The following SLFN13 variants were observed in gnomAD, a reference collection of about 807,000 sequenced individuals.
The protein encoded by SLFN13 is schlafen family member 13, also known as schlafen-13.
A neutral mutation model predicts 50.6 loss-of-function variants in SLFN13; 43 were observed. The observed-to-expected ratio is 0.85, with a 90% CI of 0.67 to 1.09. The LOEUF (loss-of-function observed/expected upper bound fraction) is 1.09, where lower values mean the gene tolerates loss of function less well. Ranked by LOEUF, SLFN13 falls within the 50% of genes least tolerant of loss-of-function variation. The probability of loss-of-function intolerance (pLI) is 0.00; values close to 1 mark genes in which losing one functional copy is unlikely to be tolerated. For synonymous variants in SLFN13, 339 were observed against 386.5 expected (o/e 0.88, Z 1.44); for missense variants, 881 against 1,071.1 (o/e 0.82, Z 2.48).
chr17:35,440,470 G>C lies in SLFN13; in HGVS notation c.*125C>G, dbSNP rs780409304. ...GAAATGGGGGAGCTCCAAACTCTTT[G>C]TGTCAGCTCTGTCCAAATCTCTAAC... On this transcript the variant is annotated 3_prime_UTR_variant, in exon 6 of 6. Coordinates refer to ENST00000285013, the MANE Select transcript of SLFN13 (RefSeq NM_144682.6). 5.9e-6 allele frequency: 7 copies of C among 1,190,892 alleles called. No homozygotes were observed. The East Asian group carries it at 1.2e-4, about 20-fold the overall frequency. 73.8% of individuals were successfully genotyped at this position (1,190,892 alleles called of 1,614,324 possible). A position where few individuals can be genotyped will look rare whatever the true frequency, so the allele number is the denominator to read the frequency against.
chr17:35,444,683 A>G lies in SLFN13; in HGVS notation c.998T>C (p.Val333Ala). The G allele has an allele frequency of 6.2e-7, 1 of 1,614,180 alleles. No individual in the cohort carries two copies. The highest frequency in any genetic ancestry group is 8.5e-7 in the Non-Finnish European group (1 of 1,180,028). Residue 333 changes from valine to alanine, a missense_variant, in exon 3 of 6, where the codon GTG becomes GCG. Coordinates refer to ENST00000285013, the MANE Select transcript of SLFN13 (RefSeq NM_144682.6). ...CAAGGGGCGGATGTACTTCTCCCTC[A>G]CCATCCATGACTTGGGAGCTTCCGA... ...VFSEAPKSWM[V>A]REKYIRPLTT... is the part of the protein sequence containing the mutation.
At position 35,437,676 on chromosome 17, in the gene SLFN13, G is replaced by T. The variant is rs1410357270; in HGVS notation, c.*2919C>A. 2 of 152,044 alleles carry T rather than the reference G, an allele frequency of 1.3e-5. No individual in the cohort carries two copies. Among genetic ancestry groups the T allele is most frequent in the African/African-American group, 4.8e-5 (2 of 41,408 alleles). 9.4% of individuals were successfully genotyped at this position (152,044 alleles called of 1,614,324 possible). A position where few individuals can be genotyped will look rare whatever the true frequency, so the allele number is the denominator to read the frequency against. The stretch of plus-strand genomic sequence containing the variant: ...GAAGTGGCAGGAGACTACAAGGACA[G>T]ATCTGTGAGCATTCCTGGAATTCTC... On this transcript the variant is annotated 3_prime_UTR_variant, in exon 6 of 6. Transcript: ENST00000285013.
At position 35,440,503 on chromosome 17, in the gene SLFN13, T is replaced by A. The variant is rs1912798044; in HGVS notation, c.*92A>T. The stretch of plus-strand genomic sequence containing the variant: ...TCTGTCCAAATCTCTAACTGACTTG[T>A]GAACTAAAAAGAAAGGTTTCTACCA... On this transcript the variant is annotated 3_prime_UTR_variant, in exon 6 of 6. Transcript: ENST00000285013. The A allele has an allele frequency of 1.4e-6, 2 of 1,440,522 alleles. No homozygotes were observed. Among genetic ancestry groups the A allele is most frequent in the Non-Finnish European group, 1.9e-6 (2 of 1,052,178 alleles). The allele number at this position is 1,440,522 out of a possible 1,614,324, so 89.2% of individuals were successfully genotyped here.
rs138677586 is a variant in SLFN13, at chr17:35,444,666, G to A, written c.1015C>T (p.Arg339Cys). 3.1e-5 allele frequency: 50 copies of A among 1,614,172 alleles called. No individual in the cohort carries two copies. The highest frequency in any genetic ancestry group is 3.6e-5 in the Non-Finnish European group (43 of 1,180,022). Residue 339 changes from arginine to cysteine, a missense_variant, in exon 3 of 6, where the codon CGC (arginine) becomes TGC (cysteine). Transcript: ENST00000285013. ...ACCCATTCCTCAGTTGTCAAGGGGCGGATGTACTTCTCCCTCACCATCCAT... is the reference window on the plus strand; with the variant it reads ...ACCCATTCCTCAGTTGTCAAGGGGCAGATGTACTTCTCCCTCACCATCCAT... Reference protein sequence around the residue: ...KSWMVREKYIRPLTTEEWVEK... With the variant: ...KSWMVREKYICPLTTEEWVEK...
At position 35,441,635 on chromosome 17, in the gene SLFN13, C is replaced by T. The variant is rs748566583; in HGVS notation, c.1850G>A (p.Arg617Lys). 6.2e-7 allele frequency: 1 copy of T among 1,604,192 alleles called. No individual in the cohort carries two copies. Among genetic ancestry groups the T allele is most frequent in the Admixed American group, 1.7e-5 (1 of 58,870 alleles). The change falls in exon 5 of 6, where the codon AGG (arginine) becomes AAG (lysine). Residue 617 changes from arginine to lysine, a missense_variant. Physicochemically the swap from Arg to Lys is conservative, Grantham distance 26 (BLOSUM62 2). Coordinates refer to ENST00000285013, the MANE Select transcript of SLFN13 (RefSeq NM_144682.6). ...GTGTGCCTCACAGTGAAACACATTC[C>T]TGATCTTCTCCATGATCTTCATGGC... ...IMAMKIMEKI[R>K]NVFHCEAHRI...
Position 35,440,543 on chromosome 17 carries a change from C to T in SLFN13, c.*52G>A. 1 of 1,585,406 alleles carries T rather than the reference C, an allele frequency of 6.3e-7. No homozygotes were observed. Among genetic ancestry groups the T allele is most frequent in the Non-Finnish European group, 8.6e-7 (1 of 1,159,366 alleles). ...GGTTTCTACCATCAGCAGACTGTCA[C>T]CCATAGACATTTACACAGTATTTTG... On this transcript the variant is annotated 3_prime_UTR_variant, in exon 6 of 6. Transcript: ENST00000285013.
At chr17:35,445,938 C>T (rs1020482234) in intron 2 of SLFN13, 8 of 352,778 alleles carry the variant, frequency 2.3e-5, no homozygotes, top group East Asian at 5.0e-5. Flanking sequence ...GGTATCTGAA[C>T]GAATCTGGAG....
intron 4 of SLFN13, 21 bp downstream of exon 4, chr17:35,443,768 G>A (rs749607579): frequency 6.2e-7 from 1 of 1,601,690 alleles, no homozygotes; most frequent in Non-Finnish European, 8.5e-7. Flanking sequence ...CTCTCCTGAT[G>A]TAAAAACTGG....
rs1912659360 is a variant in SLFN13 at position 35,436,904 on chromosome 17, A to C, written c.*3691T>G. 5.9e-5 allele frequency: 9 copies of C among 152,146 alleles called. No individual in the cohort carries two copies. 9.4% of individuals were successfully genotyped at this position (152,146 alleles called of 1,614,324 possible). ...TCTTTTGAGAAAAAAACATAAAGAC[A>C]CTTGAGGCACAACTGATATAATTCA... is the stretch of plus-strand genomic sequence containing the variant. On this transcript the variant is annotated 3_prime_UTR_variant, in exon 6 of 6. Transcript: ENST00000285013.
Position 35,438,253 on chromosome 17 carries a change from A to G in SLFN13, c.*2342T>C, listed in dbSNP as rs1436881905. The G allele has an allele frequency of 1.3e-5, 2 of 151,742 alleles. No homozygotes were observed. Among genetic ancestry groups the G allele is most frequent in the Non-Finnish European group, 2.9e-5 (2 of 67,964 alleles). 9.4% of individuals were successfully genotyped at this position (151,742 alleles called of 1,614,324 possible). On this transcript the variant is annotated 3_prime_UTR_variant, in exon 6 of 6. Coordinates refer to ENST00000285013, the MANE Select transcript of SLFN13 (RefSeq NM_144682.6). Reference sequence around the variant, plus strand: ...TTTACAGAACCTTTTTTTTCAGTTTAATGAAACACAAACTCTCAATTTTTT... The same window carrying G: ...TTTACAGAACCTTTTTTTTCAGTTTGATGAAACACAAACTCTCAATTTTTT...
intron 3 of SLFN13, 34 bp from the exon 4 acceptor site, chr17:35,443,954 G>A (rs779681761): frequency 6.2e-7 from 1 of 1,600,112 alleles, no homozygotes; most frequent in Non-Finnish European, 8.5e-7. Flanking sequence ...TACACTATAT[G>A]ATTTCATGTC....
At position 35,441,384 on chromosome 17, in the gene SLFN13, A is replaced by C; in HGVS notation, c.1923-18T>G. 6.3e-7 allele frequency: 1 copy of C among 1,585,936 alleles called. No individual in the cohort carries two copies. Among genetic ancestry groups the C allele is most frequent in the Non-Finnish European group, 8.6e-7 (1 of 1,169,492 alleles). On this transcript the variant is annotated intron_variant, in intron 5 of 5. Transcript: ENST00000285013. Reference sequence around the variant, plus strand: ...TTCTATCACTGTAAAAATTAAAAGAATACACTCAGGTTTTCTCTAAGAAAA... The same window carrying C: ...TTCTATCACTGTAAAAATTAAAAGACTACACTCAGGTTTTCTCTAAGAAAA...
Position 35,439,809 on chromosome 17 carries a change from C to T in SLFN13, c.*786G>A, listed in dbSNP as rs950158392. The T allele has an allele frequency of 6.6e-6, 1 of 152,038 alleles. No individual in the cohort carries two copies. The highest frequency in any genetic ancestry group is 2.4e-5 in the African/African-American group (1 of 41,404). 9.4% of individuals were successfully genotyped at this position (152,038 alleles called of 1,614,324 possible). A position where few individuals can be genotyped will look rare whatever the true frequency, so the allele number is the denominator to read the frequency against. On this transcript the variant is annotated 3_prime_UTR_variant, in exon 6 of 6. Coordinates refer to ENST00000285013, the MANE Select transcript of SLFN13 (RefSeq NM_144682.6). ...ATTGATTTTTAAAGAAAATCTTTCC[C>T]AAGTTTGTTCACCGTACATCTGATA...
rs781777741 is a variant in SLFN13, at chr17:35,445,703, T to C, written c.-13-10A>G. On this transcript the variant is annotated splice_polypyrimidine_tract_variant and intron_variant, in intron 2 of 5. Transcript: ENST00000285013. ...CATGTTGAACTTGCACCTTAAAGTA[T>C]TAGAATATTTGTTTCATTTTTGATT... 8 of 1,536,922 alleles carry C rather than the reference T, an allele frequency of 5.2e-6. No homozygotes were observed. Among genetic ancestry groups the C allele is most frequent in the Non-Finnish European group, 7.0e-6 (8 of 1,143,354 alleles).
Position 35,435,224 on chromosome 17 carries a change from G to A in SLFN13, c.*5371C>T, listed in dbSNP as rs1054388746. ...CACGGCTAAAGAATATTAACAATAAGCCTCTCCTCAGAGGTAAAACACCAT... is the reference window on the plus strand; with the variant it reads ...CACGGCTAAAGAATATTAACAATAAACCTCTCCTCAGAGGTAAAACACCAT... On this transcript the variant is annotated 3_prime_UTR_variant, in exon 6 of 6. Coordinates refer to ENST00000285013, the MANE Select transcript of SLFN13 (RefSeq NM_144682.6). The A allele has an allele frequency of 6.6e-6, 1 of 152,016 alleles. No homozygotes were observed. Among genetic ancestry groups the A allele is most frequent in the Non-Finnish European group, 1.5e-5 (1 of 68,022 alleles). 9.4% of individuals were successfully genotyped at this position (152,016 alleles called of 1,614,324 possible).
Position 35,441,330 on chromosome 17 carries a change from A to C in SLFN13, c.1959T>G (p.Thr653=), listed in dbSNP as rs1183980267. ...RNICRAETRE[T]FLREKFEHIQ... Reference sequence around the variant, plus strand: ...TGTGTTCAAATTTTTCTCTTAGGAAAGTTTCCCGGGTCTCTGCTCGGCAGA... The same window carrying C: ...TGTGTTCAAATTTTTCTCTTAGGAACGTTTCCCGGGTCTCTGCTCGGCAGA... Residue 653 remains threonine, a synonymous_variant, in exon 6 of 6, where the codon ACT becomes ACG. Coordinates refer to ENST00000285013, the MANE Select transcript of SLFN13 (RefSeq NM_144682.6). The C allele has an allele frequency of 1.2e-6, 2 of 1,611,802 alleles. No homozygotes were observed. The highest frequency in any genetic ancestry group is 4.5e-5 in the East Asian group (2 of 44,858).
At position 35,442,278 on chromosome 17, in the gene SLFN13, C is replaced by T. The variant is rs1255525134; in HGVS notation, c.1207G>A (p.Gly403Arg). The T allele has an allele frequency of 1.3e-6, 2 of 1,581,026 alleles. No individual in the cohort carries two copies. The highest frequency in any genetic ancestry group is 8.6e-7 in the Non-Finnish European group (1 of 1,164,106). The part of the protein sequence containing the change: ...LQQHLFPVPP[G>R]HLECTPESLW... ...GACTCTGGAGTACATTCCAAATGTC[C>T]TGGTGGAACTAGACAGGAAGAAAAT... The change falls in exon 5 of 6, where the codon GGA becomes AGA. Residue 403 changes from glycine (G) to arginine (R), a missense_variant. By Grantham distance (125) the Gly-to-Arg change is moderately radical. Coordinates refer to ENST00000285013, the MANE Select transcript of SLFN13 (RefSeq NM_144682.6).
Position 35,442,168 on chromosome 17 carries a change from C to T in SLFN13, c.1317G>A (p.Val439=). The change falls in exon 5 of 6, where the codon GTG becomes GTA. Residue 439 remains valine, a synonymous_variant. Transcript: ENST00000285013. The part of the protein sequence containing the change: ...KQMRPFSQGI[V]ILSRSWAVDL... The stretch of plus-strand genomic sequence containing the variant: ...CCACAGCCCAGCTTCTAGAGAGGAT[C>T]ACAATTCCCTGGGAGAAAGGTCGCA... 6.2e-7 allele frequency: 1 copy of T among 1,614,194 alleles called. No individual in the cohort carries two copies.
chr17:35,438,107 TAAAAAAAAA>T lies in SLFN13; in HGVS notation c.*2479_*2487del, dbSNP rs11337992. 7.1e-6 allele frequency: 1 copy of T among 141,330 alleles called. No individual in the cohort carries two copies. The highest frequency in any genetic ancestry group is 1.5e-5 in the Non-Finnish European group (1 of 65,066). 8.8% of individuals were successfully genotyped at this position (141,330 alleles called of 1,614,324 possible). On this transcript the variant is annotated 3_prime_UTR_variant, in exon 6 of 6. Coordinates refer to ENST00000285013, the MANE Select transcript of SLFN13 (RefSeq NM_144682.6). Reference sequence around the variant, plus strand: ...GAAACACAGTGAGACCTTTTCTCTTTAAAAAAAAAAAAAAAAAAAATTTACAGTTAATCT... The same window carrying T: ...GAAACACAGTGAGACCTTTTCTCTTTAAAAAAAAAAATTTACAGTTAATCT...
Sources: gnomAD v4.1 joint callset for allele counts on GRCh38, gnomAD v4.1.1 for gene constraint, MANE v1.5 for transcripts, NCBI Gene and HGNC (gene_info 2026-07-23, HGNC 2026-07-21) for gene names.